The following C11orf52 variants were observed in gnomAD, a reference collection of about 807,000 sequenced individuals.
C11orf52 encodes the protein uncharacterized protein C11orf52.
In C11orf52, 9 loss-of-function variants were observed where a neutral mutation model predicts 11.7. The observed-to-expected ratio is 0.77, with a 90% confidence interval of 0.46 to 1.34. The LOEUF is 1.34. Among genes scored for constraint, C11orf52 ranks in the 40% most tolerant of loss-of-function variants. C11orf52 has a pLI of 0.00. For synonymous variants in C11orf52, 49 were observed against 57.4 expected (o/e 0.85, Z 0.66); for missense variants, 139 against 154.8 (o/e 0.90, Z 0.54).
At chr11:111,925,365 C>T (rs1965775079) in intron 2 of C11orf52, among the ~76,000 whole-genome samples, 1 of 152,124 alleles carries the variant, frequency 6.6e-6, no homozygotes, top group Non-Finnish European at 1.5e-5. Context: ...CCTTCTACCC[C>T]CAGAACATGG....
At chr11:111,921,480 A>G (rs1031135535) in intron 1 of C11orf52, among the ~76,000 whole-genome samples, 2 of 152,254 alleles carry the variant, frequency 1.3e-5, no homozygotes. Flanking sequence ...AAGTTAGTAA[A>G]AAAGGCCCTT....
chr11:111,925,750 T>G (rs1236741064), intron 3 of C11orf52, 36 bp downstream of exon 3: 2 of 1,610,662 alleles, frequency 1.2e-6, no homozygotes, highest in Non-Finnish European at 1.7e-6. Flanking sequence ...CTGGGGCTGC[T>G]CGGACATGGG....
At chr11:111,921,907 G>A (rs1271701001) in intron 1 of C11orf52, among the ~76,000 whole-genome samples, 4 of 151,604 alleles carry the variant, frequency 2.6e-5, no homozygotes, top group Middle Eastern at 3.2e-3. Context: ...ATCTTGGCTC[G>A]CTGCAACCTT....
At position 111,924,375 on chromosome 11, in the gene C11orf52, GCTGGGGGAGGGAAT is replaced by G. The variant is rs782443093; in HGVS notation, c.70+23_70+36del. ...GAAAAAGAAAACAGGTAACTTTGGGGCTGGGGGAGGGAATCTGGGGGAGGCAAATTAGAGAAGAC... is the reference window on the plus strand; with the variant it reads ...GAAAAAGAAAACAGGTAACTTTGGGGCTGGGGGAGGCAAATTAGAGAAGAC... On this transcript the variant is annotated intron_variant, in intron 2 of 3. Coordinates refer to ENST00000278601, the MANE Select transcript of C11orf52 (RefSeq NM_080659.3). The G allele has an allele frequency of 1.2e-6, 2 of 1,611,140 alleles. No homozygotes were observed. Among genetic ancestry groups the G allele is most frequent in the Non-Finnish European group, 1.7e-6 (2 of 1,178,184 alleles).
In C11orf52 at chr11:111,923,619, G is replaced by A. The variant is rs144513802; in HGVS notation, c.33-707G>A. 651 of 152,282 alleles carry A rather than the reference G, an allele frequency of 4.3e-3. 4 individuals carry two copies. Among genetic ancestry groups the A allele is most frequent in the Middle Eastern group, 6.8e-3 (2 of 294 alleles). 9.4% of individuals were successfully genotyped at this position (152,282 alleles called of 1,614,324 possible). On this transcript the variant is annotated intron_variant, in intron 1 of 3. Coordinates refer to ENST00000278601, the MANE Select transcript of C11orf52 (RefSeq NM_080659.3). Reference sequence around the variant, plus strand: ...ACAGTTAACAATCACGTAGACACACGGGCGCCATTGGGGACCCCAGGGGCT... The same window carrying A: ...ACAGTTAACAATCACGTAGACACACAGGCGCCATTGGGGACCCCAGGGGCT...
At position 111,919,055 on chromosome 11, in the gene C11orf52, T is replaced by C. The variant is rs782220736; in HGVS notation, c.32+51T>C. ...GAACATCTATCTCTGTTGGTGGATG[T>C]AGAGGCCCCGAAAATCAGAGGACCT... On this transcript the variant is annotated intron_variant, in intron 1 of 3. Transcript: ENST00000278601. 5 of 1,606,854 alleles carry C rather than the reference T, an allele frequency of 3.1e-6. No homozygotes were observed. The South Asian group carries it at 4.4e-5, about 14-fold the overall frequency.
In C11orf52 at chr11:111,925,722, C is replaced by T. The variant is rs374584730; in HGVS notation, c.132+8C>T. 1.1e-5 allele frequency: 18 copies of T among 1,614,044 alleles called. No homozygotes were observed. The African/African-American group carries it at 2.4e-4, about 22-fold the overall frequency. ...CAGCAGAATCTCCCAAAGGTAATGA[C>T]AGGTCTCTGTCCCCTCTCTGGGGCT... On this transcript the variant is annotated splice_region_variant and intron_variant, in intron 3 of 3. Coordinates refer to ENST00000278601, the MANE Select transcript of C11orf52 (RefSeq NM_080659.3).
intron 1 of C11orf52, among the ~76,000 whole-genome samples, chr11:111,921,478 A>T (rs1003261138): frequency 6.6e-6 from 1 of 152,214 alleles, no homozygotes; most frequent in Non-Finnish European, 1.5e-5. Flanking sequence ...TTAAGTTAGT[A>T]AAAAAGGCCC....
intron 1 of C11orf52, among the ~76,000 whole-genome samples, chr11:111,923,211 A>C (rs1965728410): frequency 6.6e-6 from 1 of 152,280 alleles, no homozygotes; most frequent in South Asian, 2.1e-4. Flanking sequence ...CTGAAGTGGC[A>C]GAAGAAGTAG....
intron 1 of C11orf52, among the ~76,000 whole-genome samples, chr11:111,921,185 G>T (rs75182498): frequency 0.041 from 6,254 of 152,266 alleles, 416 homozygotes; most frequent in African/African-American, 0.14. Flanking sequence ...ACAGGTTTTG[G>T]AGTAGTACAT....
intron 1 of C11orf52, among the ~76,000 whole-genome samples, chr11:111,919,484 C>CAA (rs146540775): frequency 6.6e-5 from 10 of 150,666 alleles, no homozygotes; most frequent in South Asian, 2.1e-4. Context: ...ACAACAACAA[C>CAA]AAAAAAAAAC....
At chr11:111,924,285 C>A in intron 1 of C11orf52, 41 bp from the exon 2 acceptor site, 1 of 1,602,318 alleles carries the variant, frequency 6.2e-7, no homozygotes, top group South Asian at 1.1e-5. Flanking sequence ...AGGCAGAGGC[C>A]AGGGCTCTTG....
At position 111,926,313 on chromosome 11, in the gene C11orf52, A is replaced by G. The variant is rs1965808681; in HGVS notation, c.*114A>G. On this transcript the variant is annotated 3_prime_UTR_variant, in exon 4 of 4. Transcript: ENST00000278601. ...GATGTTGTCCACGTTTTAAGCTTAA[A>G]GAACTCCAAAGCCCCTGGAATTGTG... 6.8e-7 allele frequency: 1 copy of G among 1,473,170 alleles called. No individual in the cohort carries two copies. The highest frequency in any genetic ancestry group is 9.2e-7 in the Non-Finnish European group (1 of 1,091,856). 91.3% of individuals were successfully genotyped at this position (1,473,170 alleles called of 1,614,324 possible).
intron 1 of C11orf52, among the ~76,000 whole-genome samples, chr11:111,922,608 T>G (rs1314920277): frequency 6.6e-6 from 1 of 152,210 alleles, no homozygotes; most frequent in East Asian, 1.9e-4. Context: ...AAGTAAAATT[T>G]TCCATGATGT....
At chr11:111,923,610 T>C (rs1555166705) in intron 1 of C11orf52, 1 of 152,208 alleles carries the variant, frequency 6.6e-6, no homozygotes, top group East Asian at 1.9e-4. Flanking sequence ...AACAATCACG[T>C]AGACACACGG....
chr11:111,925,614 G>C (rs1033299090), intron 2 of C11orf52, 39 bp from the exon 3 acceptor site: 2 of 1,599,902 alleles, frequency 1.3e-6, no homozygotes, highest in African/African-American at 2.7e-5. Flanking sequence ...TAGAGACAGG[G>C]AAGAGAGAAT....
intron 1 of C11orf52, among the ~76,000 whole-genome samples, chr11:111,921,663 C>T (rs138035770): frequency 1.8e-4 from 28 of 152,190 alleles, no homozygotes; most frequent in African/African-American, 6.3e-4. Flanking sequence ...TCTTTCTTCC[C>T]AAGTGTTGGT....
intron 1 of C11orf52, among the ~76,000 whole-genome samples, chr11:111,920,629 T>G (rs1965680224): frequency 6.6e-6 from 1 of 151,794 alleles, no homozygotes; most frequent in Admixed American, 6.6e-5. Flanking sequence ...CTAGGCGTGG[T>G]GGTGCGTGCT....
chr11:111,921,734 C>T (rs1965702745), intron 1 of C11orf52, among the ~76,000 whole-genome samples: 1 of 152,192 alleles, frequency 6.6e-6, no homozygotes, highest in Non-Finnish European at 1.5e-5. Context: ...TCAACTTTTA[C>T]TCATGCTTAT....
Sources: gnomAD v4.1 joint callset for allele counts (sites outside exome capture counted in the v4.1 genomes callset) on GRCh38, gnomAD v4.1.1 for gene constraint, MANE v1.5 for transcripts, NCBI Gene and HGNC (gene_info 2026-07-23, HGNC 2026-07-21) for gene names.